The following TCL1A variants were observed in gnomAD, a reference collection of about 807,000 sequenced individuals.
The protein encoded by TCL1A is T-cell leukemia/lymphoma protein 1A.
TCL1A carries 9 observed loss-of-function variants against 16.9 expected under a neutral mutation model. The ratio of observed to expected loss-of-function variants is 0.53; its 90% confidence interval spans 0.32 to 0.93. The LOEUF is 0.93. Among genes scored for constraint, TCL1A ranks in the 40% least tolerant of loss-of-function variants. The pLI, the probability that TCL1A is intolerant of heterozygous loss-of-function variation, is 0.04. For synonymous variants in TCL1A, 69 were observed against 63.2 expected (o/e 1.09, Z -0.44); for missense variants, 139 against 153.0 (o/e 0.91, Z 0.48).
chr14:95,712,916 T>G (rs1305607791), intron 1 of TCL1A: 1 of 207,040 alleles, frequency 4.8e-6, no homozygotes, highest in African/African-American at 2.3e-5. Context: ...TATGAAAAAC[T>G]GTCTGGTTCG....
intron 2 of TCL1A, 200 bp downstream of exon 2, chr14:95,712,020 G>T: frequency 1.2e-6 from 1 of 863,460 alleles, no homozygotes; most frequent in Non-Finnish European, 1.8e-6. Context: ...CTGGGAGGAA[G>T]TGGAGGTAGG....
rs912606720 is a variant in TCL1A at position 95,710,721 on chromosome 14, C to T, written c.*167G>A. The T allele has an allele frequency of 1.2e-4, 19 of 152,406 alleles. No individual in the cohort carries two copies. The highest frequency in any genetic ancestry group is 4.3e-4 in the African/African-American group (18 of 41,432). The allele number at this position is 152,406 out of a possible 1,614,324, so 9.4% of individuals were successfully genotyped here. A position where few individuals can be genotyped will look rare whatever the true frequency, so the allele number is the denominator to read the frequency against. On this transcript the variant is annotated 3_prime_UTR_variant, in exon 4 of 4. Transcript: ENST00000402399. ...TGGGCTACAGGCAGGTCCTGCAGGC[C>T]CTGGGTAGAGCTCATCCTCTGTCTG...
intron 1 of TCL1A, 81 bp from the exon 2 acceptor site, chr14:95,712,477 C>T: frequency 1.3e-6 from 2 of 1,531,120 alleles, no homozygotes; most frequent in Non-Finnish European, 1.8e-6. Flanking sequence ...CGGAATCCCT[C>T]CTGCCAGCCA....
At chr14:95,712,492 C>T in intron 1 of TCL1A, 96 bp from the exon 2 acceptor site, 4 of 1,521,208 alleles carry the variant, frequency 2.6e-6, no homozygotes, top group Non-Finnish European at 3.5e-6. Flanking sequence ...CAGCCATCCA[C>T]CCATCTGGGC....
chr14:95,710,717 A>G lies in TCL1A; in HGVS notation c.*171T>C, dbSNP rs893659598. 2 of 152,440 alleles carry G rather than the reference A, an allele frequency of 1.3e-5. No individual in the cohort carries two copies. Among genetic ancestry groups the G allele is most frequent in the Admixed American group, 6.5e-5 (1 of 15,288 alleles). The allele number at this position is 152,440 out of a possible 1,614,324, so 9.4% of individuals were successfully genotyped here. ...AGAGTGGGCTACAGGCAGGTCCTGC[A>G]GGCCCTGGGTAGAGCTCATCCTCTG... On this transcript the variant is annotated 3_prime_UTR_variant, in exon 4 of 4. Coordinates refer to ENST00000402399, the MANE Select transcript of TCL1A (RefSeq NM_021966.3).
chr14:95,713,756 T>A (rs542220767), intron 1 of TCL1A, among the ~76,000 whole-genome samples, 191 bp downstream of exon 1: 1 of 152,110 alleles, frequency 6.6e-6, no homozygotes, highest in African/African-American at 2.4e-5. Context: ...TCCTTTGCGG[T>A]TTTCCCACCC....
At chr14:95,712,633 A>G in intron 1 of TCL1A, 3 of 1,473,246 alleles carry the variant, frequency 2.0e-6, no homozygotes, top group Non-Finnish European at 2.7e-6. Flanking sequence ...CCACCCAGAC[A>G]GGGCCATGAA....
At chr14:95,711,931 C>G in intron 2 of TCL1A, 129 bp from the exon 3 acceptor site, 1 of 1,196,186 alleles carries the variant, frequency 8.4e-7, no homozygotes, top group Non-Finnish European at 1.2e-6. Context: ...TTCAGGGGCT[C>G]TTGGAGACTG....
chr14:95,711,995 G>T, intron 2 of TCL1A, 193 bp from the exon 3 acceptor site: 1 of 868,344 alleles, frequency 1.2e-6, no homozygotes, highest in Non-Finnish European at 1.7e-6. Context: ...ATGTCTTCCT[G>T]CGGCTAGCTG....
chr14:95,713,287 T>C (rs1886426593), intron 1 of TCL1A, among the ~76,000 whole-genome samples: 1 of 152,364 alleles, frequency 6.6e-6, no homozygotes, highest in African/African-American at 2.4e-5. Flanking sequence ...AGTGTATGTT[T>C]GGAGAGAGTT....
chr14:95,711,685 G>T lies in TCL1A; in HGVS notation c.*6+64C>A. 5 of 1,572,816 alleles carry T rather than the reference G, an allele frequency of 3.2e-6. 1 individual carries two copies. In the South Asian group the frequency reaches 5.7e-5, roughly 18 times the overall value. On this transcript the variant is annotated intron_variant, in intron 3 of 3. Coordinates refer to ENST00000402399, the MANE Select transcript of TCL1A (RefSeq NM_021966.3). ...GTTAGCACTGCCTTCATGGAGAAGGGGTGGTCTTTCTTTCTGATACAGCCA... is the reference window on the plus strand; with the variant it reads ...GTTAGCACTGCCTTCATGGAGAAGGTGTGGTCTTTCTTTCTGATACAGCCA...
Position 95,714,061 on chromosome 14 carries a change from G to T in TCL1A, c.6C>A (p.Ala2=). The change falls in exon 1 of 4, where the codon GCC becomes GCA. Residue 2 remains alanine, a synonymous_variant. Coordinates refer to ENST00000402399, the MANE Select transcript of TCL1A (RefSeq NM_021966.3). The part of the protein sequence containing the change: M[A]ECPTLGEAVT... ...CTGCCTCCCCGAGTGTCGGGCACTC[G>T]GCCATGGCGTCCTCGGGCCGCCTAA... is the stretch of plus-strand genomic sequence containing the variant. The T allele has an allele frequency of 6.2e-7, 1 of 1,613,696 alleles. No homozygotes were observed. Among genetic ancestry groups the T allele is most frequent in the Non-Finnish European group, 8.5e-7 (1 of 1,179,994 alleles).
chr14:95,713,030 G>C (rs1320948026), intron 1 of TCL1A, among the ~76,000 whole-genome samples: 1 of 152,222 alleles, frequency 6.6e-6, no homozygotes, highest in African/African-American at 2.4e-5. Flanking sequence ...AAAAAAGTAA[G>C]TATTTAACTT....
At chr14:95,713,726 T>C (rs534127772) in intron 1 of TCL1A, among the ~76,000 whole-genome samples, 1 of 152,282 alleles carries the variant, frequency 6.6e-6, no homozygotes, top group Non-Finnish European at 1.5e-5. Flanking sequence ...AGGCACTGGG[T>C]CCACCCCTTT....
At chr14:95,711,930 T>A in intron 2 of TCL1A, 128 bp from the exon 3 acceptor site, 1 of 1,193,178 alleles carries the variant, frequency 8.4e-7, no homozygotes, top group Admixed American at 2.1e-5. Context: ...TTTCAGGGGC[T>A]CTTGGAGACT....
intron 1 of TCL1A, among the ~76,000 whole-genome samples, chr14:95,713,361 C>T (rs1886430368): frequency 6.6e-6 from 1 of 152,186 alleles, no homozygotes; most frequent in African/African-American, 2.4e-5. Flanking sequence ...TTATCTATTT[C>T]TTTAACAAAA....
intron 1 of TCL1A, chr14:95,712,792 AAC>A: frequency 6.8e-6 from 5 of 740,656 alleles, no homozygotes; most frequent in Non-Finnish European, 9.9e-6. Flanking sequence ...AAAAAAAAAA[AAC>A]AACAAAGAAA....
chr14:95,712,458 G>A (rs756014123), intron 1 of TCL1A, 62 bp from the exon 2 acceptor site: 107 of 1,539,168 alleles, frequency 7.0e-5, no homozygotes, highest in Non-Finnish European at 7.8e-5. Context: ...TTCTCCAGGC[G>A]CAGAAAACCG....
chr14:95,713,786 C>A (rs143694806), intron 1 of TCL1A, among the ~76,000 whole-genome samples, 161 bp downstream of exon 1: 2 of 152,310 alleles, frequency 1.3e-5, no homozygotes, highest in African/African-American at 2.4e-5. Flanking sequence ...GCCTGGAGAA[C>A]TCCTATTCAT....
Sources: allele counts gnomAD v4.1 joint callset (sites outside exome capture counted in the v4.1 genomes callset), GRCh38; gene constraint gnomAD v4.1.1; transcripts MANE v1.5; gene names NCBI Gene and HGNC (gene_info 2026-07-23, HGNC 2026-07-21).